The following UPF2 variants were observed in gnomAD, a reference collection of about 807,000 sequenced individuals.
UPF2 encodes the protein UPF2 regulator of nonsense mediated mRNA decay, also known as regulator of nonsense transcripts 2.
Under a neutral mutation model 141.4 loss-of-function variants are expected in UPF2, and 17 were observed. The observed-to-expected ratio is 0.12, with a 90% CI of 0.08 to 0.18. UPF2 has a LOEUF of 0.18. Among genes scored for constraint, UPF2 ranks in the 10% least tolerant of loss-of-function variants. UPF2 has a pLI of 1.00. For missense variants in UPF2, 1,152 were observed against 1,515.9 expected (o/e 0.76, Z 3.99); for synonymous variants, 540 against 498.0 (o/e 1.08, Z -1.12).
At chr10:11,952,004 C>T (rs1413348892) in intron 15 of UPF2, 62 bp downstream of exon 15, 2 of 1,543,294 alleles carry the variant, frequency 1.3e-6, no homozygotes, top group Non-Finnish European at 1.8e-6. Flanking sequence ...CATTATAAAG[C>T]AAATTCCAGA....
rs530809395 is a variant in UPF2, at chr10:12,019,810, G to A, written c.1146-5626C>T. ...GCAATCTGAGCTCACTGCAACCTCC[G>A]CCTCCTAGGTTCAAGCAATTCTCCC... is the stretch of plus-strand genomic sequence containing the variant. On this transcript the variant is annotated intron_variant, in intron 3 of 21. Transcript: ENST00000357604. This position sits in a 1 kb window ranked among gnomAD's most constrained non-coding sequence, Gnocchi z 4.5. Among the ~76,000 whole-genome samples, 35 of 152,022 alleles carry A rather than the reference G, an allele frequency of 2.3e-4. No homozygotes were observed. Among genetic ancestry groups the A allele is most frequent in the African/African-American group, 7.0e-4 (29 of 41,486 alleles).
intron 18 of UPF2, among the ~76,000 whole-genome samples, chr10:11,938,301 C>T (rs1465917540): frequency 6.6e-6 from 1 of 151,898 alleles, no homozygotes; most frequent in Non-Finnish European, 1.5e-5. Flanking sequence ...TATTGACAGA[C>T]AATTTTTTTT....
chr10:12,008,997 C>T (rs982298192), intron 4 of UPF2, among the ~76,000 whole-genome samples: 1 of 152,070 alleles, frequency 6.6e-6, no homozygotes, highest in African/African-American at 2.4e-5. Flanking sequence ...CAGCTTCATC[C>T]ATGTCCCTGC....
chr10:11,944,315 G>A (rs556403897), intron 16 of UPF2, among the ~76,000 whole-genome samples: 22 of 152,212 alleles, frequency 1.4e-4, no homozygotes, highest in Admixed American at 2.6e-4. Flanking sequence ...CCAACATGGC[G>A]AAACCCCGTC....
intron 16 of UPF2, among the ~76,000 whole-genome samples, chr10:11,944,014 A>C (rs59722752): frequency 2.9e-3 from 438 of 149,944 alleles, no homozygotes; most frequent in East Asian, 0.014. Context: ...AACAAACAAA[A>C]AAAAAAAACC....
intron 10 of UPF2, 111 bp downstream of exon 10, chr10:11,967,230 C>T: frequency 1.6e-6 from 1 of 622,048 alleles, no homozygotes; most frequent in Non-Finnish European, 2.5e-6. Flanking sequence ...TTCTTCCTTT[C>T]TTGGTCTTCT....
intron 3 of UPF2, among the ~76,000 whole-genome samples, chr10:12,024,884 T>C (rs1375294615): frequency 8.0e-6 from 1 of 125,360 alleles, no homozygotes. Flanking sequence ...CACTGAGCCA[T>C]GATCACACGA....
At chr10:12,040,599 C>CA (rs376390427) in intron 1 of UPF2, among the ~76,000 whole-genome samples, 7,938 of 146,454 alleles carry the variant, frequency 0.054, 274 homozygotes, top group Non-Finnish European at 0.082. Flanking sequence ...TTTCCGTAAA[C>CA]AAAAAAAAAA....
At chr10:11,962,926 C>A (rs1416481339) in intron 11 of UPF2, among the ~76,000 whole-genome samples, 1 of 152,122 alleles carries the variant, frequency 6.6e-6, no homozygotes. Flanking sequence ...GCCTCTTCTA[C>A]CTACACTCAA....
intron 4 of UPF2, among the ~76,000 whole-genome samples, chr10:12,010,597 A>G (rs1349864926): frequency 7.9e-5 from 12 of 152,208 alleles, no homozygotes; most frequent in African/African-American, 2.7e-4. Flanking sequence ...CTGTGGGACA[A>G]CTGAACAACC....
Position 11,998,058 on chromosome 10 carries a change from C to T in UPF2, c.1759-301G>A, listed in dbSNP as rs1833891828. Among the ~76,000 whole-genome samples, 1 of 152,086 alleles carries T rather than the reference C, an allele frequency of 6.6e-6. No individual in the cohort carries two copies. The highest frequency in any genetic ancestry group is 1.5e-5 in the Non-Finnish European group (1 of 68,004). ...GAAGATGGAAGAAGAAGAAGTGTGC[C>T]CCCACATTCACTAAAAAAGTTTAGT... On this transcript the variant is annotated intron_variant, in intron 7 of 21. Transcript: ENST00000357604. The surrounding 1 kb of genome is among the most constrained non-coding windows in gnomAD (Gnocchi z 4.5).
At chr10:12,015,836 G>T (rs1013895605) in intron 3 of UPF2, among the ~76,000 whole-genome samples, 1 of 151,958 alleles carries the variant, frequency 6.6e-6, no homozygotes, top group African/African-American at 2.4e-5. Flanking sequence ...TTCAAATCTG[G>T]TCTATTAGGG....
chr10:11,921,022 T>C lies in UPF2; in HGVS notation c.*276A>G, dbSNP rs757056439. 3 of 681,666 alleles carry C rather than the reference T, an allele frequency of 4.4e-6. 1 individual carries two copies. In the Admixed American group the frequency reaches 5.4e-5, roughly 12 times the overall value. 42.2% of individuals were successfully genotyped at this position (681,666 alleles called of 1,614,324 possible). A position where few individuals can be genotyped will look rare whatever the true frequency, so the allele number is the denominator to read the frequency against. Reference sequence around the variant, plus strand: ...AACTGCTCAGTAGTCAAGTGAACCATCTCATTTCTTGACTGCCATTCTCAA... The same window carrying C: ...AACTGCTCAGTAGTCAAGTGAACCACCTCATTTCTTGACTGCCATTCTCAA... On this transcript the variant is annotated 3_prime_UTR_variant, in exon 22 of 22. Coordinates refer to ENST00000357604, the MANE Select transcript of UPF2 (RefSeq NM_015542.4). The surrounding 1 kb of genome is among the most constrained non-coding windows in gnomAD (Gnocchi z 5.9).
chr10:12,038,865 G>A (rs914141068), intron 1 of UPF2, among the ~76,000 whole-genome samples: 6 of 151,932 alleles, frequency 3.9e-5, no homozygotes, highest in Non-Finnish European at 8.8e-5. Flanking sequence ...GTCTCAGTAC[G>A]TTGCCCTGGC....
At chr10:11,965,528 C>T (rs1241477104) in intron 10 of UPF2, among the ~76,000 whole-genome samples, 4 of 152,082 alleles carry the variant, frequency 2.6e-5, no homozygotes, top group Non-Finnish European at 5.9e-5. Context: ...GGCGCAATCT[C>T]GGCTCACTGC....
At chr10:12,003,603 C>T (rs1408179817) in intron 5 of UPF2, among the ~76,000 whole-genome samples, 1 of 152,070 alleles carries the variant, frequency 6.6e-6, no homozygotes, top group African/African-American at 2.4e-5. Context: ...TCAAGGACAT[C>T]AGGTAGGCAG....
rs555231985 is a variant in UPF2 at position 11,949,470 on chromosome 10, T to C, written c.3035-962A>G. 2.0e-5 allele frequency among the ~76,000 whole-genome samples: 3 copies of C among 152,362 alleles called. No individual in the cohort carries two copies. In the East Asian group the frequency reaches 5.8e-4, roughly 29 times the overall value. On this transcript the variant is annotated intron_variant, in intron 15 of 21. Transcript: ENST00000357604. ...TTTTCTCCTATTTGCTCCTAAAGCA[T>C]GTGGAGAACTTACAGCATCTTACAT...
intron 21 of UPF2, among the ~76,000 whole-genome samples, chr10:11,927,991 A>C (rs1832733441): frequency 6.6e-6 from 1 of 152,200 alleles, no homozygotes; most frequent in African/African-American, 2.4e-5. Flanking sequence ...CAACAAAGTG[A>C]CATCTTGGGC....
chr10:11,950,819 A>G (rs1304273404), intron 15 of UPF2, among the ~76,000 whole-genome samples: 1 of 152,252 alleles, frequency 6.6e-6, no homozygotes, highest in East Asian at 1.9e-4. Flanking sequence ...TCAAAGAACA[A>G]AAAGAATCAT....
Sources: gnomAD v4.1 joint callset for allele counts (sites outside exome capture counted in the v4.1 genomes callset) on GRCh38, gnomAD v4.1.1 for gene constraint, Gnocchi (gnomAD v3.1) non-coding constraint, MANE v1.5 for transcripts, NCBI Gene and HGNC (gene_info 2026-07-23, HGNC 2026-07-21) for gene names.